The following HIP1R variants were observed in gnomAD, a reference collection of about 807,000 sequenced individuals.
The protein encoded by HIP1R is huntingtin interacting protein 1 related.
A neutral mutation model predicts 144.2 loss-of-function variants in HIP1R; 135 were observed. The observed-to-expected ratio is 0.94, with a 90% CI of 0.81 to 1.08. The LOEUF (loss-of-function observed/expected upper bound fraction) is 1.08, where lower values mean the gene tolerates loss of function less well. HIP1R is among the 50% of genes least tolerant of loss of function. HIP1R has a pLI of 0.00. For synonymous variants in HIP1R, 698 were observed against 612.8 expected, an observed-to-expected ratio of 1.14 and a Z score of -2.05; for missense variants, 1,462 against 1,432.8, an observed-to-expected ratio of 1.02 and a Z score of -0.33.
At chr12:122,861,255 G>C (rs1253691460) in intron 30 of HIP1R, 53 bp from the exon 31 acceptor site, 5 of 1,613,320 alleles carry the variant, frequency 3.1e-6, no homozygotes, top group African/African-American at 1.3e-5. Context: ...CTGGACCCAG[G>C]AGAGAGCTCC....
chr12:122,855,771 T>C (rs1424240512), intron 12 of HIP1R, 60 bp from the exon 13 acceptor site: 1 of 1,534,884 alleles, frequency 6.5e-7, no homozygotes, highest in Admixed American at 2.0e-5. Context: ...CAGGTTCCTG[T>C]GCTGGGTCTG....
At chr12:122,857,333 C>T (rs989362406) in intron 18 of HIP1R, 118 bp downstream of exon 18, 8 of 967,072 alleles carry the variant, frequency 8.3e-6, no homozygotes, top group African/African-American at 1.6e-5. Flanking sequence ...ATACACGATG[C>T]ATCCTTTTGT....
At chr12:122,857,326 C>A in intron 18 of HIP1R, 111 bp downstream of exon 18, 2 of 1,006,100 alleles carry the variant, frequency 2.0e-6, no homozygotes, top group Non-Finnish European at 3.0e-6. Flanking sequence ...GGGGATCATA[C>A]ACGATGCATC....
intron 1 of HIP1R, among the ~76,000 whole-genome samples, chr12:122,842,778 C>T (rs2033094039): frequency 6.6e-6 from 1 of 152,224 alleles, no homozygotes; most frequent in Non-Finnish European, 1.5e-5. Context: ...TCACCCTGAT[C>T]TCCCCTCTTC....
chr12:122,850,023 CAT>C (rs556979438), intron 5 of HIP1R, 68 bp downstream of exon 5: 146 of 1,018,828 alleles, frequency 1.4e-4, no homozygotes, highest in South Asian at 1.2e-3. Context: ...CGTTATGGCA[CAT>C]GTTGGGACAT....
At chr12:122,846,785 C>T (rs953596521) in intron 1 of HIP1R, among the ~76,000 whole-genome samples, 43 of 152,240 alleles carry the variant, frequency 2.8e-4, no homozygotes, top group Admixed American at 2.2e-3. Flanking sequence ...CTGGCCCAGC[C>T]CCGCAGTCCC....
chr12:122,847,150 G>A (rs1321224210), intron 1 of HIP1R, among the ~76,000 whole-genome samples: 2 of 126,464 alleles, frequency 1.6e-5, no homozygotes, highest in African/African-American at 6.2e-5. Context: ...GGTGGTGGGG[G>A]ACAGAGGTTT....
In HIP1R at chr12:122,861,446, C is replaced by G. The variant is rs759987847; in HGVS notation, c.3091C>G (p.Arg1031Gly). Residue 1031 changes from arginine to glycine, a missense_variant, in exon 31 of 32, where the codon CGA becomes GGA. By Grantham distance (125) the Arg-to-Gly change is moderately radical. Around this residue, in one of 2 missense-constraint regions of HIP1R, gnomAD observed 1,112 missense variants for 1,011.7 expected, o/e 1.10. Transcript: ENST00000253083. ...EVAIRPSTAP[R>G]SVTTKKPPLA... ...GGCCATCCGGCCCAGCACTGCCCCC[C>G]GAAGTGTAACCACCAAGAAACCACC... 3 of 1,613,378 alleles carry G rather than the reference C, an allele frequency of 1.9e-6. No homozygotes were observed. The highest frequency in any genetic ancestry group is 2.5e-6 in the Non-Finnish European group (3 of 1,179,896).
At chr12:122,850,024 A>G (rs748449156) in intron 5 of HIP1R, 69 bp downstream of exon 5, 1 of 1,019,760 alleles carries the variant, frequency 9.8e-7, no homozygotes, top group Admixed American at 1.7e-5. Flanking sequence ...GTTATGGCAC[A>G]TGTTGGGACA....
chr12:122,856,143 G>A lies in HIP1R; in HGVS notation c.1292G>A (p.Gly431Asp). The A allele has an allele frequency of 1.9e-6, 3 of 1,596,164 alleles. No individual in the cohort carries two copies. The highest frequency in any genetic ancestry group is 1.7e-6 in the Non-Finnish European group (2 of 1,171,916). The part of the protein sequence containing the change: ...AAQLEGERSQ[G>D]LREEAERKAS... ...CAGCTGGAGGGCGAGCGGAGCCAGG[G>A]CCTGCGTGAGGAGGCTGAGAGTACG... Residue 431 changes from glycine (G) to aspartate (D), a missense_variant, in exon 14 of 32, where the codon GGC becomes GAC. This residue lies in a region of HIP1R where 1,112 missense variants were observed against 1,011.7 expected (regional missense o/e 1.10). Transcript: ENST00000253083.
Position 122,860,962 on chromosome 12 carries a change from G to A in HIP1R, c.2813G>A (p.Cys938Tyr). The A allele has an allele frequency of 1.2e-6, 2 of 1,613,476 alleles. No individual in the cohort carries two copies. The highest frequency in any genetic ancestry group is 1.7e-6 in the Non-Finnish European group (2 of 1,179,954). ...CCCCACCTGAGCCGCCTGCAGGAAT[G>A]TTCTCGCACAGTCAATGAGAGGGCT... Reference protein sequence around the residue: ...HSPHLSRLQECSRTVNERAAN... With the variant: ...HSPHLSRLQEYSRTVNERAAN... The change falls in exon 29 of 32, where the codon TGT becomes TAT. Residue 938 changes from cysteine (C) to tyrosine (Y), a missense_variant. Physicochemically the swap from Cys to Tyr is radical, Grantham distance 194. This residue lies in a region of HIP1R where 1,112 missense variants were observed against 1,011.7 expected (regional missense o/e 1.10). Coordinates refer to ENST00000253083, the MANE Select transcript of HIP1R (RefSeq NM_003959.3).
At position 122,858,932 on chromosome 12, in the gene HIP1R, C is replaced by T. The variant is rs1284463485; in HGVS notation, c.2145C>T (p.Thr715=). 16 of 1,612,922 alleles carry T rather than the reference C, an allele frequency of 9.9e-6. No individual in the cohort carries two copies. In the East Asian group the frequency reaches 1.1e-4, roughly 11 times the overall value. ...NGGATSHLAP[T]DPADRLIDTC... ...GTGCCACCTCGCACCTGGCTCCCACCGACCCTGCCGACCGTAAGTGGGTCC... is the reference window on the plus strand; with the variant it reads ...GTGCCACCTCGCACCTGGCTCCCACTGACCCTGCCGACCGTAAGTGGGTCC... The change falls in exon 21 of 32, where the codon ACC becomes ACT. Residue 715 remains threonine (T), a synonymous_variant. Coordinates refer to ENST00000253083, the MANE Select transcript of HIP1R (RefSeq NM_003959.3).
At position 122,851,273 on chromosome 12, in the gene HIP1R, T is replaced by C. The variant is rs748025115; in HGVS notation, c.553T>C (p.Cys185Arg). ...TGTGGAGATGTTTGATTACATGGATTGTGAGCTGAAGCTTTCTGAATCAGG... is the reference window on the plus strand; with the variant it reads ...TGTGGAGATGTTTGATTACATGGATCGTGAGCTGAAGCTTTCTGAATCAGG... ...LTVEMFDYMD[C>R]ELKLSESVFR... Residue 185 changes from cysteine (C) to arginine (R), a missense_variant, in exon 7 of 32, where the codon TGT (cysteine) becomes CGT (arginine). This residue lies in a region of HIP1R where 350 missense variants were observed against 421.1 expected (regional missense o/e 0.83). Transcript: ENST00000253083. 6 of 1,554,860 alleles carry C rather than the reference T, an allele frequency of 3.9e-6. No homozygotes were observed. The East Asian group carries it at 1.2e-4, about 32-fold the overall frequency.
chr12:122,835,573 C>T lies in HIP1R; in HGVS notation c.23C>T (p.Pro8Leu). 1 of 1,349,032 alleles carries T rather than the reference C, an allele frequency of 7.4e-7. No individual in the cohort carries two copies. Among genetic ancestry groups the T allele is most frequent in the Non-Finnish European group, 9.6e-7 (1 of 1,041,502 alleles). 83.6% of individuals were successfully genotyped at this position (1,349,032 alleles called of 1,614,324 possible). A position where few individuals can be genotyped will look rare whatever the true frequency, so the allele number is the denominator to read the frequency against. The change falls in exon 1 of 32, where the codon CCG (proline) becomes CTG (leucine). Residue 8 changes from proline (P) to leucine (L), a missense_variant. Pro to Leu is a moderately conservative substitution (Grantham distance 98). Coordinates refer to ENST00000253083, the MANE Select transcript of HIP1R (RefSeq NM_003959.3). The stretch of plus-strand genomic sequence containing the variant: ...AGGATGAACAGCATCAAGAACGTGC[C>T]GGCGCGGGTGCTGAGCCGCAGGCCG... MNSIKNV[P>L]ARVLSRRPGH... is the part of the protein sequence containing the mutation.
chr12:122,857,086 T>C lies in HIP1R; in HGVS notation c.1686T>C (p.Ala562=), dbSNP rs763143643. Residue 562 remains alanine, a synonymous_variant, in exon 18 of 32, where the codon GCT becomes GCC. Transcript: ENST00000253083. ...LSAEKDALSG[A]VRQREADLLA... ...CGGAGAAGGATGCTCTGAGTGGAGCTGTGCGGCAGCGGGAGGCAGACCTGC... is the reference window on the plus strand; with the variant it reads ...CGGAGAAGGATGCTCTGAGTGGAGCCGTGCGGCAGCGGGAGGCAGACCTGC... 6.8e-5 allele frequency: 105 copies of C among 1,551,378 alleles called. No homozygotes were observed. Among genetic ancestry groups the C allele is most frequent in the Non-Finnish European group, 8.8e-5 (101 of 1,147,584 alleles).
At chr12:122,857,990 G>C in intron 18 of HIP1R, 112 bp from the exon 19 acceptor site, 1 of 921,392 alleles carries the variant, frequency 1.1e-6, no homozygotes, top group Non-Finnish European at 1.6e-6. Context: ...CCCCTGACCA[G>C]TGAGGGTCTC....
At position 122,855,913 on chromosome 12, in the gene HIP1R, G is replaced by A; in HGVS notation, c.1128+10G>A. On this transcript the variant is annotated intron_variant, in intron 13 of 31. Transcript: ENST00000253083. Reference sequence around the variant, plus strand: ...GAAGATCAAGCTGGAGGTGCGGGGTGGGGATGGGTGGGGGCCAGGGCCCCT... The same window carrying A: ...GAAGATCAAGCTGGAGGTGCGGGGTAGGGATGGGTGGGGGCCAGGGCCCCT... 6.4e-7 allele frequency: 1 copy of A among 1,562,110 alleles called. No homozygotes were observed. The highest frequency in any genetic ancestry group is 1.2e-5 in the South Asian group (1 of 84,960).
upstream of HIP1R, chr12:122,835,365 G>T: frequency 1.9e-6 from 2 of 1,064,742 alleles, no homozygotes; most frequent in Admixed American, 5.6e-5. Flanking sequence ...GGCGCGGGGG[G>T]CGGGTTTGGA....
At chr12:122,839,358 A>C (rs1486421087) in intron 1 of HIP1R, among the ~76,000 whole-genome samples, 1 of 152,228 alleles carries the variant, frequency 6.6e-6, no homozygotes, top group African/African-American at 2.4e-5. Context: ...ACTACACTGC[A>C]AGGCCTCTGG....
Sources: gnomAD v4.1 joint callset for allele counts (sites outside exome capture counted in the v4.1 genomes callset) on GRCh38, gnomAD v4.1.1 for gene constraint, gnomAD v4.1.1 regional missense constraint, MANE v1.5 for transcripts, NCBI Gene and HGNC (gene_info 2026-07-23, HGNC 2026-07-21) for gene names.